The following CSRNP3 variants were observed in gnomAD, a reference collection of about 807,000 sequenced individuals.
CSRNP3 encodes the protein cysteine/serine-rich nuclear protein 3.
A neutral mutation model predicts 48.0 loss-of-function variants in CSRNP3; 12 were observed. That is an observed-to-expected ratio of 0.25 (90% CI 0.16 to 0.41). The LOEUF is 0.41. CSRNP3 is among the 10% of genes least tolerant of loss of function. The pLI, the probability that CSRNP3 is intolerant of heterozygous loss-of-function variation, is 1.00. For synonymous variants in CSRNP3, 263 were observed against 269.7 expected (o/e 0.98, Z 0.24); for missense variants, 580 against 724.4 (o/e 0.80, Z 2.29).
intron 4 of CSRNP3, among the ~76,000 whole-genome samples, chr2:165,612,716 A>G (rs528845084): frequency 6.6e-6 from 1 of 151,680 alleles, no homozygotes; most frequent in Non-Finnish European, 1.5e-5. Flanking sequence ...TATTTAACAT[A>G]ATGTCCTCCA....
At chr2:165,471,400 T>C (rs927417812) in intron 1 of CSRNP3, among the ~76,000 whole-genome samples, 3 of 152,042 alleles carry the variant, frequency 2.0e-5, no homozygotes, top group Admixed American at 6.6e-5. Context: ...TAAGACCAGA[T>C]ATTCATCTCC....
intron 3 of CSRNP3, among the ~76,000 whole-genome samples, chr2:165,526,154 T>C (rs1300418842): frequency 6.6e-6 from 1 of 152,206 alleles, no homozygotes; most frequent in East Asian, 1.9e-4. Flanking sequence ...CAGTAAGTCT[T>C]GAAATCATAT....
In CSRNP3 at chr2:165,679,451, G is replaced by A; in HGVS notation, c.1456G>A (p.Glu486Lys). Residue 486 changes from glutamate (E) to lysine (K), a missense_variant, in exon 7 of 7, where the codon GAG becomes AAG. Glu to Lys is a moderately conservative substitution (Grantham distance 56). This residue lies in a region of CSRNP3 where 369 missense variants were observed against 380.8 expected (regional missense o/e 0.97). Coordinates refer to ENST00000651982, the MANE Select transcript of CSRNP3 (RefSeq NM_001172173.2). ...CGTTGACTATGCCCGACAAGCAGAA[G>A]AGGCCTATGGTGCCTCCCACTACCC... ...QFVDYARQAE[E>K]AYGASHYPAA... 2 of 1,613,264 alleles carry A rather than the reference G, an allele frequency of 1.2e-6. No individual in the cohort carries two copies. Among genetic ancestry groups the A allele is most frequent in the Non-Finnish European group, 1.7e-6 (2 of 1,179,904 alleles).
intron 4 of CSRNP3, among the ~76,000 whole-genome samples, chr2:165,653,329 T>C (rs1686945918): frequency 6.6e-6 from 1 of 152,208 alleles, no homozygotes. Flanking sequence ...TTATGTATAA[T>C]ATGCAAATGC....
In CSRNP3 at chr2:165,680,644, G is replaced by T. The variant is rs940229734; in HGVS notation, c.*891G>T. The T allele has an allele frequency of 6.6e-6, 1 of 152,286 alleles. No homozygotes were observed. 9.4% of individuals were successfully genotyped at this position (152,286 alleles called of 1,614,324 possible). On this transcript the variant is annotated 3_prime_UTR_variant, in exon 7 of 7. Coordinates refer to ENST00000651982, the MANE Select transcript of CSRNP3 (RefSeq NM_001172173.2). ...AAAATGCACTTTAGTGCCCCTTCAC[G>T]GTACCTCGTGTGGGGTGGGGACTGA...
intron 3 of CSRNP3, among the ~76,000 whole-genome samples, chr2:165,523,295 T>A (rs1470709590): frequency 6.6e-6 from 1 of 152,210 alleles, no homozygotes; most frequent in African/African-American, 2.4e-5. Flanking sequence ...TTTTCTTCCT[T>A]GCTAGCCCTT....
At chr2:165,536,921 C>T (rs1270532873) in intron 3 of CSRNP3, among the ~76,000 whole-genome samples, 3 of 151,566 alleles carry the variant, frequency 2.0e-5, no homozygotes, top group African/African-American at 7.3e-5. Flanking sequence ...GCCATAAGAC[C>T]ACATGCTGCA....
At chr2:165,640,050 G>A (rs1482020150) in intron 4 of CSRNP3, among the ~76,000 whole-genome samples, 1 of 152,048 alleles carries the variant, frequency 6.6e-6, no homozygotes, top group East Asian at 1.9e-4. Flanking sequence ...TTATCATGTG[G>A]GGCTGGTTGC....
chr2:165,481,077 C>T (rs748193423), intron 1 of CSRNP3, among the ~76,000 whole-genome samples: 1 of 151,870 alleles, frequency 6.6e-6, no homozygotes, highest in Non-Finnish European at 1.5e-5. Flanking sequence ...AAACATGTCC[C>T]TTTAGAGGTT....
At chr2:165,573,066 A>G (rs1685396730) in intron 3 of CSRNP3, among the ~76,000 whole-genome samples, 1 of 152,090 alleles carries the variant, frequency 6.6e-6, no homozygotes, top group Non-Finnish European at 1.5e-5. Context: ...AATTATTTGA[A>G]TTAAAAAATT....
intron 3 of CSRNP3, among the ~76,000 whole-genome samples, chr2:165,529,656 T>G (rs1558926177): frequency 6.6e-6 from 1 of 152,178 alleles, no homozygotes; most frequent in Non-Finnish European, 1.5e-5. Flanking sequence ...GAAACTTCTC[T>G]TTTTTTCAAA....
intron 2 of CSRNP3, among the ~76,000 whole-genome samples, chr2:165,498,715 G>T (rs1374654042): frequency 6.6e-6 from 1 of 152,108 alleles, no homozygotes; most frequent in Non-Finnish European, 1.5e-5. Flanking sequence ...TCAAGTAGCT[G>T]TCATGAAAAA....
In CSRNP3 at chr2:165,685,482, G is replaced by A. The variant is rs1687616184; in HGVS notation, c.*5729G>A. Reference sequence around the variant, plus strand: ...TGATGGGAACCAGGAGAGTGAATACGACCAGATTCAAAGCCTAAAACAATA... The same window carrying A: ...TGATGGGAACCAGGAGAGTGAATACAACCAGATTCAAAGCCTAAAACAATA... On this transcript the variant is annotated 3_prime_UTR_variant, in exon 7 of 7. Transcript: ENST00000651982. The A allele has an allele frequency of 2.0e-5, 3 of 152,102 alleles. No homozygotes were observed. Among genetic ancestry groups the A allele is most frequent in the East Asian group, 3.9e-4 (2 of 5,174 alleles). 9.4% of individuals were successfully genotyped at this position (152,102 alleles called of 1,614,324 possible).
At chr2:165,625,228 G>A (rs1686409212) in intron 4 of CSRNP3, among the ~76,000 whole-genome samples, 1 of 152,084 alleles carries the variant, frequency 6.6e-6, no homozygotes, top group Non-Finnish European at 1.5e-5. Context: ...CTAGGTATTG[G>A]ATATGGCAGG....
intron 4 of CSRNP3, among the ~76,000 whole-genome samples, chr2:165,644,856 A>G (rs537754324): frequency 2.6e-5 from 4 of 152,312 alleles, no homozygotes; most frequent in African/African-American, 9.6e-5. Context: ...ACAAAATACC[A>G]TAAACTGGGT....
rs1687607916 is a variant in CSRNP3, at chr2:165,685,005, T to A, written c.*5252T>A. ...CCAACATTCATATCAATTACATTTTTACAGTCTGTAAGTCATTTGATGCTT... is the reference window on the plus strand; with the variant it reads ...CCAACATTCATATCAATTACATTTTAACAGTCTGTAAGTCATTTGATGCTT... On this transcript the variant is annotated 3_prime_UTR_variant, in exon 7 of 7. Coordinates refer to ENST00000651982, the MANE Select transcript of CSRNP3 (RefSeq NM_001172173.2). The A allele has an allele frequency of 6.6e-6, 1 of 152,102 alleles. No individual in the cohort carries two copies. The highest frequency in any genetic ancestry group is 2.1e-4 in the South Asian group (1 of 4,838). 9.4% of individuals were successfully genotyped at this position (152,102 alleles called of 1,614,324 possible).
intron 3 of CSRNP3, among the ~76,000 whole-genome samples, chr2:165,528,526 G>A (rs1322229256): frequency 4.6e-5 from 7 of 152,160 alleles, no homozygotes; most frequent in Admixed American, 3.9e-4. Context: ...GATAAAGGTT[G>A]TTTCATGTTT....
intron 1 of CSRNP3, among the ~76,000 whole-genome samples, chr2:165,492,726 A>T (rs1056957838): frequency 7.2e-4 from 2 of 2,764 alleles, no homozygotes; most frequent in South Asian, 0.011. Flanking sequence ...TATTAGAGTA[A>T]AAAAAAAAAA....
Position 165,685,093 on chromosome 2 carries a change from AC to A in CSRNP3, c.*5341del, listed in dbSNP as rs1244203716. The A allele has an allele frequency of 7.9e-5, 12 of 152,118 alleles. No homozygotes were observed. The highest frequency in any genetic ancestry group is 1.6e-4 in the Non-Finnish European group (11 of 68,004). The allele number at this position is 152,118 out of a possible 1,614,324, so 9.4% of individuals were successfully genotyped here. A position where few individuals can be genotyped will look rare whatever the true frequency, so the allele number is the denominator to read the frequency against. ...AACTATTTTGTTAAAAAATTTAAAC[AC>A]ATTTTATATTAAAATAAGTGATCAA... On this transcript the variant is annotated 3_prime_UTR_variant, in exon 7 of 7. Transcript: ENST00000651982.
Sources: gnomAD v4.1 joint callset for allele counts (sites outside exome capture counted in the v4.1 genomes callset) on GRCh38, gnomAD v4.1.1 for gene constraint, gnomAD v4.1.1 regional missense constraint, MANE v1.5 for transcripts, NCBI Gene and HGNC (gene_info 2026-07-23, HGNC 2026-07-21) for gene names.